The following PRRX1 variants were observed in gnomAD, a reference collection of about 807,000 sequenced individuals.
PRRX1 encodes paired mesoderm homeobox protein 1.
A neutral mutation model predicts 24.0 loss-of-function variants in PRRX1; 8 were observed. The observed-to-expected ratio is 0.33, with a 90% CI of 0.20 to 0.60. PRRX1 has a LOEUF of 0.60. Ranked by LOEUF, PRRX1 falls within the 20% of genes least tolerant of loss-of-function variation. The pLI is 0.82. For synonymous variants in PRRX1, 160 were observed against 131.7 expected (o/e 1.22, Z -1.47); for missense variants, 281 against 322.4 (o/e 0.87, Z 0.98).
intron 3 of PRRX1, among the ~76,000 whole-genome samples, chr1:170,730,885 C>T (rs1057379809): frequency 2.6e-5 from 4 of 151,910 alleles, no homozygotes; most frequent in East Asian, 1.9e-4. Flanking sequence ...AAGCAGTGTG[C>T]GCTTCAAAAA....
In PRRX1 at chr1:170,730,332, C is replaced by T. The variant is rs146552721; in HGVS notation, c.599+3931C>T. The T allele has an allele frequency of 1.7e-4, 278 of 1,610,546 alleles. No homozygotes were observed. The highest frequency in any genetic ancestry group is 2.2e-4 in the Non-Finnish European group (254 of 1,176,968). On this transcript the variant is annotated intron_variant, in intron 3 of 3. Coordinates refer to ENST00000239461, the MANE Select transcript of PRRX1 (RefSeq NM_022716.4). ...CGAGGGGCTTCATAACGGATTCTAA[C>T]GGAAGACACTGAAAAGGTAACTTGT...
chr1:170,674,969 G>T (rs1444032344), intron 1 of PRRX1, among the ~76,000 whole-genome samples: 1 of 151,984 alleles, frequency 6.6e-6, no homozygotes, highest in East Asian at 1.9e-4. Flanking sequence ...CTTCATTATT[G>T]ATTTTTCTTT....
intron 1 of PRRX1, among the ~76,000 whole-genome samples, chr1:170,699,860 C>G (rs1654297176): frequency 6.6e-6 from 1 of 152,022 alleles, no homozygotes; most frequent in African/African-American, 2.4e-5. Flanking sequence ...CTCAGCCTGC[C>G]AAGTAGCTGG....
intron 1 of PRRX1, among the ~76,000 whole-genome samples, chr1:170,697,707 C>T (rs1409099513): frequency 6.9e-6 from 1 of 145,940 alleles, no homozygotes; most frequent in East Asian, 2.0e-4. Flanking sequence ...AATATCTATA[C>T]ACATATATAG....
intron 2 of PRRX1, among the ~76,000 whole-genome samples, chr1:170,723,116 G>A (rs1191853788): frequency 6.6e-6 from 1 of 152,190 alleles, no homozygotes; most frequent in Non-Finnish European, 1.5e-5. Context: ...GCAATAAGGT[G>A]ATTGTATTAA....
intron 1 of PRRX1, among the ~76,000 whole-genome samples, chr1:170,710,076 C>G (rs1654697085): frequency 6.6e-6 from 1 of 152,122 alleles, no homozygotes; most frequent in Non-Finnish European, 1.5e-5. Flanking sequence ...TTTATCCCTG[C>G]AGAGTGCTGT....
At chr1:170,708,446 C>A (rs1379143591) in intron 1 of PRRX1, among the ~76,000 whole-genome samples, 21 of 152,038 alleles carry the variant, frequency 1.4e-4, no homozygotes, top group Admixed American at 1.2e-3. Context: ...CCGTAATGTT[C>A]CTGTATATTG....
chr1:170,730,393 T>C (rs1354192240), intron 3 of PRRX1: 1 of 1,506,046 alleles, frequency 6.6e-7, no homozygotes, highest in African/African-American at 1.4e-5. Context: ...GGGGTAGGGT[T>C]TAAGTGGGAA....
intron 1 of PRRX1, among the ~76,000 whole-genome samples, chr1:170,701,265 C>G (rs1250785437): frequency 6.6e-6 from 1 of 152,110 alleles, no homozygotes; most frequent in African/African-American, 2.4e-5. Flanking sequence ...AAGTTACTTG[C>G]TTATATATCT....
Position 170,736,193 on chromosome 1 carries a change from A to C in PRRX1, c.*7A>C. 6.2e-7 allele frequency: 1 copy of C among 1,614,086 alleles called. No homozygotes were observed. Among genetic ancestry groups the C allele is most frequent in the Non-Finnish European group, 8.5e-7 (1 of 1,179,950 alleles). ...GGTGCCAACAGTCAACTGAGGAAAA[A>C]AAATAATTAAACAGGCCTAAGAAGA... On this transcript the variant is annotated 3_prime_UTR_variant, in exon 4 of 4. Transcript: ENST00000239461.
At chr1:170,688,995 T>C (rs919686204) in intron 1 of PRRX1, among the ~76,000 whole-genome samples, 2 of 152,120 alleles carry the variant, frequency 1.3e-5, no homozygotes, top group African/African-American at 4.8e-5. Flanking sequence ...ATATTGATAA[T>C]GAGATGAAAG....
intron 3 of PRRX1, chr1:170,727,575 T>G (rs1655295390): frequency 6.6e-6 from 1 of 152,228 alleles, no homozygotes; most frequent in Non-Finnish European, 1.5e-5. Flanking sequence ...TGCAAGTGTT[T>G]TTCAAAGGTT....
chr1:170,721,470 T>C (rs1250615773), intron 2 of PRRX1, among the ~76,000 whole-genome samples: 4 of 152,004 alleles, frequency 2.6e-5, no homozygotes, highest in East Asian at 1.9e-4. Flanking sequence ...CACTGTGGAG[T>C]TGATGCAGAG....
At chr1:170,688,216 T>A (rs1487834863) in intron 1 of PRRX1, among the ~76,000 whole-genome samples, 3 of 152,022 alleles carry the variant, frequency 2.0e-5, no homozygotes, top group African/African-American at 7.2e-5. Flanking sequence ...GAAAGCAGTA[T>A]AAAATAAGAA....
At chr1:170,721,532 G>A (rs1655084996) in intron 2 of PRRX1, among the ~76,000 whole-genome samples, 1 of 151,994 alleles carries the variant, frequency 6.6e-6, no homozygotes, top group African/African-American at 2.4e-5. Context: ...TTTCCCACGG[G>A]GAAACAGGGA....
chr1:170,687,723 A>G (rs1335402228), intron 1 of PRRX1, among the ~76,000 whole-genome samples: 1 of 152,188 alleles, frequency 6.6e-6, no homozygotes, highest in Admixed American at 6.5e-5. Context: ...TTATTTTACA[A>G]TTGAACAGAC....
At chr1:170,690,202 G>C (rs978173501) in intron 1 of PRRX1, among the ~76,000 whole-genome samples, 2 of 151,652 alleles carry the variant, frequency 1.3e-5, no homozygotes, top group African/African-American at 4.8e-5. Context: ...TATTGCATCA[G>C]ATAAGGTCTG....
chr1:170,674,417 C>T (rs185825399), intron 1 of PRRX1, among the ~76,000 whole-genome samples: 113 of 152,266 alleles, frequency 7.4e-4, no homozygotes, highest in Non-Finnish European at 1.3e-3. Context: ...CAAATCTTCC[C>T]ATGCTTTCTT....
intron 1 of PRRX1, among the ~76,000 whole-genome samples, chr1:170,679,529 A>G (rs1653433917): frequency 6.6e-6 from 1 of 152,092 alleles, no homozygotes; most frequent in African/African-American, 2.4e-5. Context: ...CCTCCCTAGT[A>G]GCTGGGACTA....
Sources: allele counts gnomAD v4.1 joint callset (sites outside exome capture counted in the v4.1 genomes callset), GRCh38; gene constraint gnomAD v4.1.1; transcripts MANE v1.5; gene names NCBI Gene and HGNC (gene_info 2026-07-23, HGNC 2026-07-21).